MOXD1: variants seen among roughly 807,000 people sequenced by gnomAD.
MOXD1 encodes the protein monooxygenase DBH like 1, also known as DBH-like monooxygenase protein 1.
In MOXD1, 62 loss-of-function variants were observed where a neutral mutation model predicts 66.6. The observed-to-expected ratio is 0.93, with a 90% confidence interval of 0.76 to 1.15. The LOEUF is 1.15. Ranked by LOEUF, MOXD1 falls within the 50% of genes most tolerant of loss-of-function variation. MOXD1 has a pLI of 0.00. For missense variants in MOXD1, 847 were observed against 754.6 expected (o/e 1.12, Z -1.44); for synonymous variants, 303 against 281.9 (o/e 1.07, Z -0.75).
chr6:132,372,669 G>T lies in MOXD1; in HGVS notation c.602C>A (p.Thr201Lys). 1.2e-6 allele frequency: 2 copies of T among 1,613,830 alleles called. No individual in the cohort carries two copies. The highest frequency in any genetic ancestry group is 1.7e-6 in the Non-Finnish European group (2 of 1,179,810). The stretch of plus-strand genomic sequence containing the variant: ...CTTAAACATTTGGCACCAATATGTT[G>T]TATCTTTGTTTGGGATGGGGACCTG... ...NQDVPIPNKD[T>K]TYWCQMFKIP... Residue 201 changes from threonine to lysine, a missense_variant, in exon 4 of 12, where the codon ACA becomes AAA. Thr to Lys is a moderately conservative substitution (Grantham distance 78). Coordinates refer to ENST00000367963, the MANE Select transcript of MOXD1 (RefSeq NM_015529.4).
Position 132,349,422 on chromosome 6 carries a change from C to T in MOXD1, c.664-20828G>A, listed in dbSNP as rs13198647. Among the ~76,000 whole-genome samples, 161 of 36,858 alleles carry T rather than the reference C, an allele frequency of 4.4e-3. 11 individuals are homozygous for T. The highest frequency in any genetic ancestry group is 0.03 in the East Asian group (21 of 704). 24.2% of individuals were successfully genotyped at this position (36,858 alleles called of 152,430 possible). On this transcript the variant is annotated intron_variant, in intron 4 of 11. Transcript: ENST00000367963. The stretch of plus-strand genomic sequence containing the variant: ...ATATATATACATATATATATATATA[C>T]ATATATATATATACATATATATATA...
At chr6:132,379,890 A>G (rs1223323962) in intron 1 of MOXD1, among the ~76,000 whole-genome samples, 1 of 152,108 alleles carries the variant, frequency 6.6e-6, no homozygotes, top group African/African-American at 2.4e-5. Context: ...GTGGAATCAC[A>G]GCTCACTGCA....
intron 4 of MOXD1, among the ~76,000 whole-genome samples, chr6:132,329,307 G>C (rs536084365): frequency 1.3e-5 from 2 of 152,082 alleles, no homozygotes; most frequent in African/African-American, 4.8e-5. Flanking sequence ...GAACTCATCC[G>C]TTTTTATGGC....
chr6:132,297,597 T>C (rs936959080), intron 11 of MOXD1, among the ~76,000 whole-genome samples, 190 bp downstream of exon 11: 1 of 152,124 alleles, frequency 6.6e-6, no homozygotes, highest in Admixed American at 6.5e-5. Context: ...TTAGAACTAA[T>C]TTTTCTCTTG....
At chr6:132,397,605 A>T (rs955823182) in intron 1 of MOXD1, among the ~76,000 whole-genome samples, 1 of 146,228 alleles carries the variant, frequency 6.8e-6, no homozygotes, top group African/African-American at 2.7e-5. Flanking sequence ...ACACACACAC[A>T]CACTCACAGA....
intron 4 of MOXD1, among the ~76,000 whole-genome samples, chr6:132,345,693 T>A (rs17061198): frequency 0.014 from 2,102 of 152,322 alleles, 57 homozygotes; most frequent in African/African-American, 0.048. Context: ...GTAAAATTTG[T>A]ATTTAGAGTA....
intron 7 of MOXD1, among the ~76,000 whole-genome samples, chr6:132,323,729 T>A (rs1582570667): frequency 6.6e-6 from 1 of 152,294 alleles, no homozygotes; most frequent in South Asian, 2.1e-4. Flanking sequence ...CCCTGCCAAC[T>A]ACTTCTGTCT....
chr6:132,386,427 ACAAAAC>A (rs1305555349), intron 1 of MOXD1, among the ~76,000 whole-genome samples: 9 of 142,774 alleles, frequency 6.3e-5, no homozygotes, highest in African/African-American at 2.1e-4. Flanking sequence ...ACAAAACAAA[ACAAAAC>A]AAAAAAAAAA....
intron 5 of MOXD1, 119 bp downstream of exon 5, chr6:132,328,296 G>A (rs936211987): frequency 5.9e-6 from 8 of 1,357,636 alleles, no homozygotes; most frequent in Non-Finnish European, 7.0e-6. Context: ...ATGGAGTTAA[G>A]CCACCTTCAT....
chr6:132,316,119 T>A (rs977942280), intron 9 of MOXD1, among the ~76,000 whole-genome samples: 1 of 152,180 alleles, frequency 6.6e-6, no homozygotes, highest in Non-Finnish European at 1.5e-5. Context: ...TCTGATTTAA[T>A]TGAATTTTCT....
intron 4 of MOXD1, among the ~76,000 whole-genome samples, chr6:132,355,606 G>C (rs72994821): frequency 0.13 from 19,475 of 152,018 alleles, 1,333 homozygotes; most frequent in South Asian, 0.24. Flanking sequence ...TACTATAAAG[G>C]AGAGCCCACT....
At chr6:132,400,102 C>T (rs188794872) in intron 1 of MOXD1, among the ~76,000 whole-genome samples, 1 of 152,214 alleles carries the variant, frequency 6.6e-6, no homozygotes, top group East Asian at 1.9e-4. Flanking sequence ...AGCTCAGTGC[C>T]AGAATCAGCG....
intron 4 of MOXD1, among the ~76,000 whole-genome samples, chr6:132,367,099 G>A (rs1562294581): frequency 6.6e-6 from 1 of 152,016 alleles, no homozygotes; most frequent in Admixed American, 6.6e-5. Flanking sequence ...ATGATGAAGA[G>A]GATGATGACA....
At chr6:132,344,389 A>G (rs1272577748) in intron 4 of MOXD1, among the ~76,000 whole-genome samples, 1 of 152,244 alleles carries the variant, frequency 6.6e-6, no homozygotes, top group African/African-American at 2.4e-5. Flanking sequence ...ACCTGAGGTC[A>G]GCTGGTTATT....
chr6:132,305,998 C>T (rs573397837), intron 10 of MOXD1, among the ~76,000 whole-genome samples: 14 of 152,176 alleles, frequency 9.2e-5, no homozygotes, highest in African/African-American at 2.9e-4. Context: ...GGGTGCAGAA[C>T]TAGATGGAGG....
At chr6:132,342,417 T>G (rs1775583641) in intron 4 of MOXD1, among the ~76,000 whole-genome samples, 2 of 152,270 alleles carry the variant, frequency 1.3e-5, no homozygotes, top group Admixed American at 6.5e-5. Flanking sequence ...CATATGTAAC[T>G]TTTTTACTGA....
intron 10 of MOXD1, among the ~76,000 whole-genome samples, chr6:132,309,857 T>C (rs748051015): frequency 1.1e-4 from 16 of 152,174 alleles, no homozygotes; most frequent in Non-Finnish European, 1.8e-4. Flanking sequence ...TTAACTCAGA[T>C]GGATTAAAGA....
chr6:132,392,261 C>T (rs748375978), intron 1 of MOXD1: 15 of 1,603,780 alleles, frequency 9.4e-6, no homozygotes, highest in South Asian at 3.4e-5. Flanking sequence ...GAAGACACTT[C>T]GCATCACAGG....
At chr6:132,334,885 G>A (rs1215770531) in intron 4 of MOXD1, among the ~76,000 whole-genome samples, 1 of 152,158 alleles carries the variant, frequency 6.6e-6, no homozygotes, top group Non-Finnish European at 1.5e-5. Flanking sequence ...ATCTACACTT[G>A]GTGGCATCTT....
Sources: allele counts gnomAD v4.1 joint callset (sites outside exome capture counted in the v4.1 genomes callset), GRCh38; gene constraint gnomAD v4.1.1; transcripts MANE v1.5; gene names NCBI Gene and HGNC (gene_info 2026-07-23, HGNC 2026-07-21).